Variants in MAGI2 observed in about 807,000 individuals in gnomAD.
MAGI2 encodes the protein membrane associated guanylate kinase, WW and PDZ domain containing 2.
Under a neutral mutation model 133.3 loss-of-function variants are expected in MAGI2, and 35 were observed. The ratio of observed to expected loss-of-function variants is 0.26; its 90% CI spans 0.20 to 0.35. MAGI2 has a LOEUF of 0.35. MAGI2 is among the 10% of genes least tolerant of loss of function. The probability of loss-of-function intolerance (pLI) is 1.00; values close to 1 mark genes in which losing one functional copy is unlikely to be tolerated. For missense variants in MAGI2, 1,636 were observed against 1,863.4 expected (o/e 0.88, Z 2.25); for synonymous variants, 729 against 710.6 (o/e 1.03, Z -0.41).
chr7:79,297,729 C>A (rs563115677), intron 1 of MAGI2, among the ~76,000 whole-genome samples: 2 of 151,996 alleles, frequency 1.3e-5, no homozygotes. Flanking sequence ...GGGTTTAGTG[C>A]GGGTATTTTT....
At chr7:78,453,864 T>C (rs934972762) in intron 6 of MAGI2, among the ~76,000 whole-genome samples, 40 of 152,324 alleles carry the variant, frequency 2.6e-4, no homozygotes, top group African/African-American at 8.7e-4. Flanking sequence ...ATAGATTTCC[T>C]TTGTTCTGTT....
intron 2 of MAGI2, among the ~76,000 whole-genome samples, chr7:78,955,713 TTCTTTCTTTC>T (rs1562712615): frequency 2.7e-5 from 2 of 73,392 alleles, no homozygotes; most frequent in African/African-American, 5.9e-5. Flanking sequence ...TTCTTTCTTT[TTCTTTCTTTC>T]TCTTTCTTTC....
At position 78,315,668 on chromosome 7, in the gene MAGI2, G is replaced by A. The variant is rs1342322192; in HGVS notation, c.1408+28110C>T. Among the ~76,000 whole-genome samples, 4 of 152,270 alleles carry A rather than the reference G, an allele frequency of 2.6e-5. No individual in the cohort carries two copies. In the East Asian group the frequency reaches 7.7e-4, roughly 29 times the overall value. ...ATCAGAATCTATTATATTCAGAATT[G>A]CAAACTGTTCAAATAAGAATTAAAT... On this transcript the variant is annotated intron_variant, in intron 9 of 21. Coordinates refer to ENST00000354212, the MANE Select transcript of MAGI2 (RefSeq NM_012301.4).
At chr7:78,410,858 A>G (rs1423391771) in intron 6 of MAGI2, among the ~76,000 whole-genome samples, 3 of 152,044 alleles carry the variant, frequency 2.0e-5, no homozygotes, top group Non-Finnish European at 2.9e-5. Context: ...AAAAGGGAAT[A>G]TAATATATAT....
chr7:79,227,326 T>C (rs1830946257), intron 1 of MAGI2, among the ~76,000 whole-genome samples: 1 of 152,222 alleles, frequency 6.6e-6, no homozygotes, highest in Non-Finnish European at 1.5e-5. Flanking sequence ...ATTCTCTCCA[T>C]GCGGAGTGTT....
At chr7:78,793,565 T>C (rs1175580853) in intron 2 of MAGI2, among the ~76,000 whole-genome samples, 2 of 152,158 alleles carry the variant, frequency 1.3e-5, no homozygotes, top group Non-Finnish European at 2.9e-5. Flanking sequence ...GGTTCAATAT[T>C]TGGAAATCTG....
chr7:78,812,695 T>C (rs1396562371), intron 2 of MAGI2, among the ~76,000 whole-genome samples: 1 of 152,180 alleles, frequency 6.6e-6, no homozygotes, highest in African/African-American at 2.4e-5. Context: ...ATATAGTGAT[T>C]GTTCTAGCTC....
intron 2 of MAGI2, among the ~76,000 whole-genome samples, chr7:78,855,315 A>G (rs1447575440): frequency 6.6e-6 from 1 of 152,012 alleles, no homozygotes; most frequent in East Asian, 1.9e-4. Flanking sequence ...GCAGGTTTGT[A>G]ACATATGTAG....
intron 1 of MAGI2, among the ~76,000 whole-genome samples, chr7:79,025,008 T>C (rs1373019076): frequency 1.3e-5 from 2 of 152,102 alleles, no homozygotes; most frequent in South Asian, 2.1e-4. Context: ...ATTCAGTATA[T>C]ACCCAAAGAA....
chr7:78,800,224 C>A (rs1341660315), intron 2 of MAGI2, among the ~76,000 whole-genome samples: 4 of 152,080 alleles, frequency 2.6e-5, no homozygotes, highest in African/African-American at 9.7e-5. Flanking sequence ...ACTTTTATAA[C>A]AAACAACCCT....
intron 1 of MAGI2, among the ~76,000 whole-genome samples, chr7:79,111,234 G>T (rs1700484751): frequency 2.0e-5 from 3 of 151,956 alleles, no homozygotes; most frequent in East Asian, 1.9e-4. Flanking sequence ...TTGTAGTTTT[G>T]GTTCAAAATA....
rs1801783622 is a variant in MAGI2, at chr7:78,573,237, TATATATATAA to T, written c.539-51602_539-51593del. On this transcript the variant is annotated intron_variant, in intron 3 of 21. Transcript: ENST00000354212. The stretch of plus-strand genomic sequence containing the variant: ...ATATAAATATATATAAATATAAATA[TATATATATAA>T]ATATATATAAATATAAATATATATA... Among the ~76,000 whole-genome samples the T allele has an allele frequency of 2.8e-4, 18 of 64,358 alleles. 1 individual carries two copies. The highest frequency in any genetic ancestry group is 1.3e-3 in the African/African-American group (18 of 13,504). The allele number at this position is 64,358 out of a possible 152,430, so 42.2% of individuals were successfully genotyped here.
intron 2 of MAGI2, among the ~76,000 whole-genome samples, chr7:78,896,858 C>T (rs1323451549): frequency 6.6e-6 from 1 of 152,082 alleles, no homozygotes; most frequent in Non-Finnish European, 1.5e-5. Context: ...GTATTTTCAA[C>T]GATATTCATT....
Position 79,112,292 on chromosome 7 carries a change from C to T in MAGI2, c.302-105086G>A, listed in dbSNP as rs375214223. On this transcript the variant is annotated intron_variant, in intron 1 of 21. Transcript: ENST00000354212. ...GGTTTCATTTTGGGGCAAGTCTATT[C>T]GCAAATATATATATTCAACCAAGTG... Among the ~76,000 whole-genome samples the T allele has an allele frequency of 1.1e-4, 16 of 152,158 alleles. No individual in the cohort carries two copies. The South Asian group carries it at 1.7e-3, about 16-fold the overall frequency.
At chr7:78,758,900 C>A (rs1301406622) in intron 2 of MAGI2, among the ~76,000 whole-genome samples, 2 of 152,142 alleles carry the variant, frequency 1.3e-5, no homozygotes, top group Non-Finnish European at 2.9e-5. Flanking sequence ...TCGCATTACT[C>A]TGGTAGTTAA....
intron 1 of MAGI2, among the ~76,000 whole-genome samples, chr7:79,357,758 C>T (rs1192682050): frequency 6.6e-6 from 1 of 152,158 alleles, no homozygotes; most frequent in East Asian, 1.9e-4. Context: ...AGTGTATATA[C>T]CTACCATTGC....
At position 78,906,892 on chromosome 7, in the gene MAGI2, T is replaced by G. The variant is rs760796772; in HGVS notation, c.418+100198A>C. Among the ~76,000 whole-genome samples the G allele has an allele frequency of 1.4e-5, 2 of 146,930 alleles. 1 individual carries two copies. The highest frequency in any genetic ancestry group is 5.3e-5 in the African/African-American group (2 of 37,792). On this transcript the variant is annotated intron_variant, in intron 2 of 21. Coordinates refer to ENST00000354212, the MANE Select transcript of MAGI2 (RefSeq NM_012301.4). ...TATGTATATTTAAAAGTAATGGCAT[T>G]AATTGCTTTGCCTTAAGCCATGTGG...
intron 9 of MAGI2, among the ~76,000 whole-genome samples, chr7:78,283,316 A>ATGAC (rs1006630827): frequency 6.6e-6 from 1 of 152,124 alleles, no homozygotes; most frequent in African/African-American, 2.4e-5. Context: ...GTTATTCTGT[A>ATGAC]TGACAGTCTG....
intron 3 of MAGI2, chr7:78,618,772 G>C (rs1407887128): frequency 6.6e-6 from 1 of 151,658 alleles, no homozygotes; most frequent in East Asian, 1.9e-4. Context: ...CAGGCACAGA[G>C]AGACAAATAC....
Sources: allele counts gnomAD v4.1 joint callset (sites outside exome capture counted in the v4.1 genomes callset), GRCh38; gene constraint gnomAD v4.1.1; transcripts MANE v1.5; gene names NCBI Gene and HGNC (gene_info 2026-07-23, HGNC 2026-07-21).